RPH3A: variants seen among roughly 807,000 people sequenced by gnomAD.
RPH3A encodes rabphilin 3A.
RPH3A carries 48 observed loss-of-function variants against 102.2 expected under a neutral mutation model. The ratio of observed to expected loss-of-function variants is 0.47; its 90% CI spans 0.37 to 0.60. RPH3A has a LOEUF of 0.60. Among genes scored for constraint, RPH3A ranks in the 20% least tolerant of loss-of-function variants. The probability of loss-of-function intolerance (pLI) is 0.00; values close to 1 mark genes in which losing one functional copy is unlikely to be tolerated. For synonymous variants in RPH3A, 310 were observed against 324.3 expected (o/e 0.96, Z 0.47); for missense variants, 781 against 910.1 (o/e 0.86, Z 1.83).
upstream of RPH3A, among the ~76,000 whole-genome samples, chr12:112,787,576 G>A (rs1405984987): frequency 4.6e-5 from 7 of 152,214 alleles, no homozygotes; most frequent in Non-Finnish European, 7.3e-5. Flanking sequence ...CCTGCCCCCT[G>A]CAAAAGGAGA....
intron 1 of RPH3A, among the ~76,000 whole-genome samples, chr12:112,751,574 G>A (rs1285179654): frequency 2.0e-5 from 3 of 152,126 alleles, no homozygotes; most frequent in African/African-American, 7.2e-5. Flanking sequence ...GTGGTCACAA[G>A]GATCAGAAGC....
In RPH3A at chr12:112,887,929, T is replaced by C. The variant is rs1174137129; in HGVS notation, c.1563+6T>C. On this transcript the variant is annotated splice_donor_region_variant and intron_variant, in intron 17 of 21. Coordinates refer to ENST00000389385, the MANE Select transcript of RPH3A (RefSeq NM_001143854.2). ...GCCTGGAGCGAGTGATTCCTGTGAGTGACTTTACCCTGAGGATCTGATGGG... is the reference window on the plus strand; with the variant it reads ...GCCTGGAGCGAGTGATTCCTGTGAGCGACTTTACCCTGAGGATCTGATGGG... The C allele has an allele frequency of 1.2e-6, 2 of 1,612,698 alleles. No homozygotes were observed. Among genetic ancestry groups the C allele is most frequent in the Non-Finnish European group, 1.7e-6 (2 of 1,179,068 alleles).
At chr12:112,818,275 G>C (rs936553797) in intron 2 of RPH3A, among the ~76,000 whole-genome samples, 6 of 149,832 alleles carry the variant, frequency 4.0e-5, no homozygotes, top group Admixed American at 2.0e-4. Flanking sequence ...CTCCAGCCTG[G>C]GCGACAGAGT....
At chr12:112,748,537 A>G (rs1025190237) in intron 1 of RPH3A, among the ~76,000 whole-genome samples, 2 of 151,904 alleles carry the variant, frequency 1.3e-5, no homozygotes, top group Non-Finnish European at 2.9e-5. Flanking sequence ...GCCTTACTAT[A>G]TTGCTCGGGC....
intron 1 of RPH3A, chr12:112,650,633 C>CT (rs926143641): frequency 3.9e-5 from 6 of 151,940 alleles, no homozygotes; most frequent in African/African-American, 1.2e-4. Flanking sequence ...AAAGTTTTGA[C>CT]TTTTTTTCCC....
intron 1 of RPH3A, among the ~76,000 whole-genome samples, chr12:112,674,068 A>AT (rs1180722335): frequency 6.6e-6 from 1 of 151,866 alleles, no homozygotes; most frequent in Non-Finnish European, 1.5e-5. Context: ...CTATTTTTTA[A>AT]TTTTTTTGAG....
At chr12:112,725,896 C>T (rs1375885351) in intron 1 of RPH3A, among the ~76,000 whole-genome samples, 1 of 151,608 alleles carries the variant, frequency 6.6e-6, no homozygotes, top group East Asian at 1.9e-4. Context: ...CCCGGGTTCA[C>T]GCCATTCTCC....
chr12:112,852,635 C>G (rs2042341590), intron 5 of RPH3A, among the ~76,000 whole-genome samples: 2 of 152,148 alleles, frequency 1.3e-5, no homozygotes, highest in Admixed American at 6.5e-5. Context: ...GATGCCTGCC[C>G]CTCATCCTAT....
intron 1 of RPH3A, among the ~76,000 whole-genome samples, chr12:112,677,142 AGG>A (rs1361995058): frequency 1.3e-5 from 2 of 152,218 alleles, no homozygotes; most frequent in African/African-American, 4.8e-5. Flanking sequence ...CACCCAGCAA[AGG>A]AACCCCATGG....
chr12:112,705,325 A>C (rs2136031487), intron 1 of RPH3A, among the ~76,000 whole-genome samples: 1 of 152,336 alleles, frequency 6.6e-6, no homozygotes, highest in Non-Finnish European at 1.5e-5. Flanking sequence ...CCTTGTGTCC[A>C]GCTATAAATT....
At position 112,883,397 on chromosome 12, in the gene RPH3A, C is replaced by T. The variant is rs1365782674; in HGVS notation, c.1431C>T (p.Thr477=). The change falls in exon 16 of 22, where the codon ACC becomes ACT. Residue 477 remains threonine (T), a synonymous_variant. Coordinates refer to ENST00000389385, the MANE Select transcript of RPH3A (RefSeq NM_001143854.2). ...CCGATGAGGACATGCAAAGGAAGAC[C>T]CTCAGGTACCTGGCAGGCAGAGGGC... ...GITDEDMQRK[T]LRISVCDEDK... 3 of 1,612,484 alleles carry T rather than the reference C, an allele frequency of 1.9e-6. No homozygotes were observed. Among genetic ancestry groups the T allele is most frequent in the South Asian group, 2.2e-5 (2 of 90,922 alleles).
chr12:112,863,715 T>A (rs1324800961), intron 5 of RPH3A, among the ~76,000 whole-genome samples: 2 of 152,226 alleles, frequency 1.3e-5, no homozygotes. Context: ...TAAAATGGCA[T>A]AAATAGTAGT....
intron 5 of RPH3A, among the ~76,000 whole-genome samples, chr12:112,859,859 C>T (rs1022163900): frequency 6.6e-6 from 1 of 152,242 alleles, no homozygotes; most frequent in Non-Finnish European, 1.5e-5. Flanking sequence ...ATTTTGGGAA[C>T]ATTCCCCCCA....
rs552240667 is a variant in RPH3A at position 112,730,002 on chromosome 12, T to TAC, written c.-139-62125_-139-62124dup. ...ATAAAAAGGGGGAAAACTGGACACGTACACACACACACACACATACACACA... is the reference window on the plus strand; with the variant it reads ...ATAAAAAGGGGGAAAACTGGACACGTACACACACACACACACACATACACACA... On this transcript the variant is annotated intron_variant, in intron 1 of 21. Transcript: ENST00000543106. 9.9e-3 allele frequency among the ~76,000 whole-genome samples: 1,487 copies of TAC among 150,146 alleles called. 24 individuals are homozygous for TAC. The highest frequency in any genetic ancestry group is 0.029 in the African/African-American group (1,203 of 41,134).
At chr12:112,738,329 A>G (rs1309112599) in intron 1 of RPH3A, among the ~76,000 whole-genome samples, 1 of 152,034 alleles carries the variant, frequency 6.6e-6, no homozygotes, top group Admixed American at 6.6e-5. Flanking sequence ...AGTAGCTGGG[A>G]CTACAGGCGT....
chr12:112,791,452 C>G (rs1017506591), upstream of RPH3A: 1 of 152,570 alleles, frequency 6.6e-6, no homozygotes, highest in African/African-American at 2.4e-5. Flanking sequence ...TCCCCCACCC[C>G]TCCGGACTCC....
At chr12:112,603,046 G>C (rs988084419) in intron 1 of RPH3A, among the ~76,000 whole-genome samples, 1 of 152,146 alleles carries the variant, frequency 6.6e-6, no homozygotes, top group Non-Finnish European at 1.5e-5. Context: ...AGTATGATTG[G>C]ACAAAAGGGG....
intron 8 of RPH3A, chr12:112,869,509 C>G (rs915819837): frequency 2.2e-6 from 1 of 458,186 alleles, no homozygotes; most frequent in Non-Finnish European, 3.8e-6. Context: ...TTCTTCTAGG[C>G]TGAGAAGGCT....
intron 1 of RPH3A, among the ~76,000 whole-genome samples, chr12:112,590,501 A>G (rs530517817): frequency 6.6e-6 from 1 of 152,268 alleles, no homozygotes; most frequent in Non-Finnish European, 1.5e-5. Flanking sequence ...TCCTCATTCC[A>G]TGAGTCCCCC....
Sources: gnomAD v4.1 joint callset for allele counts (sites outside exome capture counted in the v4.1 genomes callset) on GRCh38, gnomAD v4.1.1 for gene constraint, MANE v1.5 for transcripts, NCBI Gene and HGNC (gene_info 2026-07-23, HGNC 2026-07-21) for gene names.